IQGAP1: variants seen among roughly 807,000 people sequenced by gnomAD.
The protein encoded by IQGAP1 is IQ motif containing GTPase activating protein 1.
A neutral mutation model predicts 215.6 loss-of-function variants in IQGAP1; 66 were observed. The ratio of observed to expected loss-of-function variants is 0.31; its 90% CI spans 0.25 to 0.38. The LOEUF is 0.38. Ranked by LOEUF, IQGAP1 falls within the 10% of genes least tolerant of loss-of-function variation. IQGAP1 has a pLI of 1.00. For synonymous variants in IQGAP1, 772 were observed against 728.7 expected, an observed-to-expected ratio of 1.06 and a Z score of -0.96; for missense variants, 1,712 against 1,997.1, an observed-to-expected ratio of 0.86 and a Z score of 2.72.
intron 2 of IQGAP1, among the ~76,000 whole-genome samples, chr15:90,410,291 A>G (rs1185989594): frequency 6.6e-6 from 1 of 152,202 alleles, no homozygotes; most frequent in Non-Finnish European, 1.5e-5. Context: ...TTCCTCAAGG[A>G]TCTAGAACTA....
intron 35 of IQGAP1, 55 bp downstream of exon 35, chr15:90,492,766 C>T: frequency 2.1e-6 from 3 of 1,447,086 alleles, no homozygotes; most frequent in Non-Finnish European, 1.9e-6. Context: ...GAGGAAAAAG[C>T]AGAGGCAACT....
chr15:90,415,694 A>G (rs1965037383), intron 2 of IQGAP1, among the ~76,000 whole-genome samples: 1 of 152,128 alleles, frequency 6.6e-6, no homozygotes, highest in Non-Finnish European at 1.5e-5. Context: ...CAGATTGTCA[A>G]ATGGGGTCAA....
chr15:90,441,693 G>A lies in IQGAP1; in HGVS notation c.828+9G>A. Reference sequence around the variant, plus strand: ...CAAATGCTAAAAACAGGGTAAAAATGCAACATCTATTCTTTCTAATTAATT... The same window carrying A: ...CAAATGCTAAAAACAGGGTAAAAATACAACATCTATTCTTTCTAATTAATT... On this transcript the variant is annotated intron_variant, in intron 8 of 37. Transcript: ENST00000268182. 3 of 1,574,052 alleles carry A rather than the reference G, an allele frequency of 1.9e-6. No homozygotes were observed. Among genetic ancestry groups the A allele is most frequent in the Non-Finnish European group, 2.6e-6 (3 of 1,150,188 alleles).
At chr15:90,488,032 C>T (rs1966151924) in intron 33 of IQGAP1, among the ~76,000 whole-genome samples, 1 of 152,030 alleles carries the variant, frequency 6.6e-6, no homozygotes, top group Non-Finnish European at 1.5e-5. Context: ...ACCATCCTGG[C>T]TAACACGTGA....
chr15:90,404,413 C>T (rs963906759), intron 2 of IQGAP1, among the ~76,000 whole-genome samples: 1 of 152,168 alleles, frequency 6.6e-6, no homozygotes, highest in Non-Finnish European at 1.5e-5. Flanking sequence ...TGAAGATGAG[C>T]ATCTTTACAT....
At chr15:90,451,184 G>T (rs1965599402) in intron 11 of IQGAP1, among the ~76,000 whole-genome samples, 1 of 152,056 alleles carries the variant, frequency 6.6e-6, no homozygotes, top group African/African-American at 2.4e-5. Context: ...TCTGCATATG[G>T]TTATCCAGTT....
At position 90,417,006 on chromosome 15, in the gene IQGAP1, C is replaced by A. The variant is rs11852977; in HGVS notation, c.156-9104C>A. ...ATGTGTCTGTTGGCTGCATAAATGTCTTCTTTTGCAAAGTGTCTGTTCATA... is the reference window on the plus strand; with the variant it reads ...ATGTGTCTGTTGGCTGCATAAATGTATTCTTTTGCAAAGTGTCTGTTCATA... On this transcript the variant is annotated intron_variant, in intron 2 of 37. Transcript: ENST00000268182. Among the ~76,000 whole-genome samples, 1,064 of 152,194 alleles carry A rather than the reference C, an allele frequency of 7.0e-3. 12 individuals carry two copies. The highest frequency in any genetic ancestry group is 0.024 in the African/African-American group (1,016 of 41,490).
Position 90,477,785 on chromosome 15 carries a change from C to A in IQGAP1, c.3225C>A (p.Val1075=). 1 of 1,613,674 alleles carries A rather than the reference C, an allele frequency of 6.2e-7. No homozygotes were observed. The highest frequency in any genetic ancestry group is 1.3e-5 in the African/African-American group (1 of 74,946). The change falls in exon 26 of 38, where the codon GTC becomes GTA. Residue 1075 remains valine (V), a synonymous_variant. Transcript: ENST00000268182. ...CCCTGAGACAGATCTTGGCCCCAGT[C>A]GTGAAGGAAATTATGGATGACAAAT... The part of the protein sequence containing the change: ...QNALRQILAP[V]VKEIMDDKSL...
chr15:90,450,657 A>G (rs1338042672), intron 11 of IQGAP1, among the ~76,000 whole-genome samples: 1 of 151,948 alleles, frequency 6.6e-6, no homozygotes, highest in Non-Finnish European at 1.5e-5. Context: ...GGGGTGAGAA[A>G]GTATCTCATT....
chr15:90,429,139 C>CA (rs1965267753), intron 3 of IQGAP1, among the ~76,000 whole-genome samples: 1 of 152,120 alleles, frequency 6.6e-6, no homozygotes, highest in South Asian at 2.1e-4. Context: ...AGGAATGAGC[C>CA]ACCGTCCCAG....
rs913174335 is a variant in IQGAP1, at chr15:90,388,250, C to G, written c.-92C>G. On this transcript the variant is annotated 5_prime_UTR_variant, in exon 1 of 38. Coordinates refer to ENST00000268182, the MANE Select transcript of IQGAP1 (RefSeq NM_003870.4). ...CGGGGCGGGGCCTCGGGGACCCCGG[C>G]AAGCCCGCGCACTTGGCAGGAGCTG... 4.2e-6 allele frequency: 6 copies of G among 1,439,276 alleles called. No homozygotes were observed. The highest frequency in any genetic ancestry group is 5.7e-6 in the Non-Finnish European group (6 of 1,055,310). The allele number at this position is 1,439,276 out of a possible 1,614,324, so 89.2% of individuals were successfully genotyped here.
At chr15:90,391,143 A>AG (rs1358473106) in intron 2 of IQGAP1, 1 of 293,700 alleles carries the variant, frequency 3.4e-6, no homozygotes, top group African/African-American at 2.2e-5. Flanking sequence ...GAGCCTGAGG[A>AG]GGGAGGATCA....
chr15:90,438,209 A>T (rs967220352), intron 5 of IQGAP1, among the ~76,000 whole-genome samples: 1 of 152,192 alleles, frequency 6.6e-6, no homozygotes. Flanking sequence ...TTCCCTGCTT[A>T]CTTTAAACTG....
intron 7 of IQGAP1, 97 bp downstream of exon 7, chr15:90,440,712 C>T (rs1965436641): frequency 2.6e-6 from 2 of 767,828 alleles, no homozygotes; most frequent in Admixed American, 2.7e-5. Context: ...ATGAATCTTG[C>T]CAGCAAGTTT....
chr15:90,482,252 C>G lies in IQGAP1; in HGVS notation c.3526C>G (p.Pro1176Ala). ...GAAGGACTCGTTGCATGAGAAGTTC[C>G]CTGATGCTGGTGAGGATGAGCTGCT... ...VLKDSLHEKF[P>A]DAGEDELLKI... Residue 1176 changes from proline (P) to alanine (A), a missense_variant, in exon 28 of 38, where the codon CCT becomes GCT. Transcript: ENST00000268182. 6.2e-7 allele frequency: 1 copy of G among 1,614,170 alleles called. No homozygotes were observed. The highest frequency in any genetic ancestry group is 8.5e-7 in the Non-Finnish European group (1 of 1,180,030).
chr15:90,475,433 G>A (rs543848125), intron 23 of IQGAP1, among the ~76,000 whole-genome samples: 1 of 151,824 alleles, frequency 6.6e-6, no homozygotes, highest in South Asian at 2.1e-4. Context: ...CACCATGCCC[G>A]GCCATCATAA....
At chr15:90,478,665 C>G (rs1284926553) in intron 26 of IQGAP1, among the ~76,000 whole-genome samples, 2 of 152,118 alleles carry the variant, frequency 1.3e-5, no homozygotes, top group Non-Finnish European at 2.9e-5. Flanking sequence ...ATGAACCCAG[C>G]CTTACTAAGA....
At chr15:90,472,477 G>T (rs1284014517) in intron 18 of IQGAP1, among the ~76,000 whole-genome samples, 2 of 152,006 alleles carry the variant, frequency 1.3e-5, no homozygotes, top group African/African-American at 4.8e-5. Flanking sequence ...GGGGTCCCTC[G>T]GTACGTGGCA....
intron 36 of IQGAP1, among the ~76,000 whole-genome samples, chr15:90,495,383 G>GA (rs78637051): frequency 3.3e-5 from 5 of 150,780 alleles, no homozygotes; most frequent in South Asian, 2.1e-4. Flanking sequence ...TTTAGGGGGG[G>GA]AAAAAAAACA....
Sources: gnomAD v4.1 joint callset for allele counts (sites outside exome capture counted in the v4.1 genomes callset) on GRCh38, gnomAD v4.1.1 for gene constraint, MANE v1.5 for transcripts, NCBI Gene and HGNC (gene_info 2026-07-23, HGNC 2026-07-21) for gene names.